Variants in GSE1 observed in about 807,000 individuals in gnomAD.
GSE1 encodes the protein Gse1 coiled-coil protein.
A neutral mutation model predicts 112.6 loss-of-function variants in GSE1; 32 were observed. The ratio of observed to expected loss-of-function variants is 0.28; its 90% CI spans 0.21 to 0.38. The LOEUF (loss-of-function observed/expected upper bound fraction) is 0.38. Among genes scored for constraint, GSE1 ranks in the 10% least tolerant of loss-of-function variants. The pLI, the probability that GSE1 is intolerant of heterozygous loss-of-function variation, is 1.00. For missense variants in GSE1, 2,348 were observed against 1,699.2 expected (o/e 1.38, Z -6.71); for synonymous variants, 1,115 against 735.6 (o/e 1.52, Z -8.35).
intron 2 of GSE1, among the ~76,000 whole-genome samples, chr16:85,526,851 C>T (rs1289619231): frequency 2.0e-5 from 3 of 152,204 alleles, no homozygotes; most frequent in Non-Finnish European, 4.4e-5. Context: ...ACCATTTGTT[C>T]CAGGGAGCTG....
chr16:85,640,396 A>G (rs1384794699), intron 2 of GSE1, among the ~76,000 whole-genome samples: 2 of 152,244 alleles, frequency 1.3e-5, no homozygotes, highest in Non-Finnish European at 2.9e-5. Context: ...CGGGGCCGAC[A>G]GGTGGTGGCA....
intron 2 of GSE1, among the ~76,000 whole-genome samples, chr16:85,539,953 C>G (rs2044464765): frequency 1.3e-5 from 2 of 152,208 alleles, no homozygotes; most frequent in South Asian, 4.1e-4. Context: ...TGCCGCTTCT[C>G]TTGTTATGAT....
At chr16:85,616,373 G>C (rs887993258) in intron 1 of GSE1, among the ~76,000 whole-genome samples, 2 of 152,234 alleles carry the variant, frequency 1.3e-5, no homozygotes, top group African/African-American at 2.4e-5. Flanking sequence ...CTGCCTCCAG[G>C]AGCTCGCAGG....
At chr16:85,658,406 A>G (rs2052153927) in intron 8 of GSE1, among the ~76,000 whole-genome samples, 1 of 152,188 alleles carries the variant, frequency 6.6e-6, no homozygotes, top group Non-Finnish European at 1.5e-5. Flanking sequence ...AACTGTCCAC[A>G]AAGGAGGGTG....
Position 85,672,630 on chromosome 16 carries a change from G to A in GSE1, c.*91G>A. ...TTTAATATTTTTCACTGGGAGGTTT[G>A]AAGCTTACAAAATGAGAATGTGCCA... On this transcript the variant is annotated 3_prime_UTR_variant, in exon 16 of 16. Transcript: ENST00000253458. 2.1e-6 allele frequency: 2 copies of A among 937,276 alleles called. No individual in the cohort carries two copies. The highest frequency in any genetic ancestry group is 2.7e-5 in the South Asian group (1 of 36,594). The allele number at this position is 937,276 out of a possible 1,614,324, so 58.1% of individuals were successfully genotyped here.
chr16:85,452,832 C>T (rs1427386097), intron 2 of GSE1, among the ~76,000 whole-genome samples: 1 of 152,230 alleles, frequency 6.6e-6, no homozygotes, highest in African/African-American at 2.4e-5. Flanking sequence ...TGTGAACAAA[C>T]AGGGATTGGG....
chr16:85,666,579 C>T (rs1237344505), intron 13 of GSE1: 2 of 571,984 alleles, frequency 3.5e-6, no homozygotes, highest in Non-Finnish European at 6.2e-6. Context: ...AGCGCTGACG[C>T]TGTGCTGTGA....
At chr16:85,317,801 C>T (rs1331877544) in intron 1 of GSE1, among the ~76,000 whole-genome samples, 1 of 152,210 alleles carries the variant, frequency 6.6e-6, no homozygotes, top group South Asian at 2.1e-4. Flanking sequence ...AAGTGTGGGA[C>T]CTGAGCTCTG....
intron 2 of GSE1, among the ~76,000 whole-genome samples, chr16:85,500,953 A>T (rs1180674577): frequency 6.9e-6 from 1 of 144,484 alleles, no homozygotes; most frequent in East Asian, 2.1e-4. Context: ...TAGAGACTCC[A>T]GTCTTGGGAT....
chr16:85,232,123 G>A lies in GSE1; in HGVS notation c.2283+60316G>A, dbSNP rs543360710. Among the ~76,000 whole-genome samples the A allele has an allele frequency of 1.1e-3, 160 of 152,328 alleles. 1 individual carries two copies. Among genetic ancestry groups the A allele is most frequent in the African/African-American group, 3.6e-3 (149 of 41,562 alleles). On this transcript the variant is annotated intron_variant, in intron 1 of 2. Coordinates refer to the GSE1 transcript ENST00000637419. The stretch of plus-strand genomic sequence containing the variant: ...CTGGCAGGCAGACCAGAAGCAAGGC[G>A]TTGGCCTTCGATACATCCCTTGGGA...
intron 1 of GSE1, among the ~76,000 whole-genome samples, chr16:85,199,676 T>C (rs1567606048): frequency 6.6e-6 from 1 of 152,166 alleles, no homozygotes; most frequent in East Asian, 1.9e-4. Context: ...CCTTTTTTTT[T>C]CTCTCTGAAG....
Position 85,672,630 on chromosome 16 carries a change from G to C in GSE1, c.*91G>C, listed in dbSNP as rs2053443393. The C allele has an allele frequency of 3.2e-6, 3 of 937,158 alleles. No homozygotes were observed. The South Asian group carries it at 8.2e-5, about 26-fold the overall frequency. The allele number at this position is 937,158 out of a possible 1,614,324, so 58.1% of individuals were successfully genotyped here. A position where few individuals can be genotyped will look rare whatever the true frequency, so the allele number is the denominator to read the frequency against. On this transcript the variant is annotated 3_prime_UTR_variant, in exon 16 of 16. Coordinates refer to ENST00000253458, the MANE Select transcript of GSE1 (RefSeq NM_014615.5). ...TTTAATATTTTTCACTGGGAGGTTT[G>C]AAGCTTACAAAATGAGAATGTGCCA... is the stretch of plus-strand genomic sequence containing the variant.
At chr16:85,625,302 C>T (rs1471127529) in intron 1 of GSE1, among the ~76,000 whole-genome samples, 1 of 152,224 alleles carries the variant, frequency 6.6e-6, no homozygotes. Context: ...GACTTCCCGT[C>T]CCTCGCCTCC....
chr16:85,465,273 C>T (rs538098061), intron 2 of GSE1, among the ~76,000 whole-genome samples: 12 of 152,330 alleles, frequency 7.9e-5, no homozygotes, highest in African/African-American at 2.9e-4. Context: ...TCCTGCCAAC[C>T]GAATCTCATG....
chr16:85,667,943 T>C (rs1406758364), intron 13 of GSE1, among the ~76,000 whole-genome samples, 197 bp from the exon 14 acceptor site: 2 of 130,814 alleles, frequency 1.5e-5, no homozygotes, highest in East Asian at 2.5e-4. Flanking sequence ...CTGCGTTGTC[T>C]CCTGGCTGTC....
intron 8 of GSE1, among the ~76,000 whole-genome samples, chr16:85,660,663 C>T (rs1450122850): frequency 6.6e-6 from 1 of 151,154 alleles, no homozygotes; most frequent in Non-Finnish European, 1.5e-5. Flanking sequence ...CGGAGTCTTG[C>T]TCTGTCGCCT....
rs55928497 is a variant in GSE1, at chr16:85,370,601, T to TTCCCTCCCTCCTTCTC, written c.2464+13002_2464+13017dup. Among the ~76,000 whole-genome samples, 200 of 145,348 alleles carry TTCCCTCCCTCCTTCTC rather than the reference T, an allele frequency of 1.4e-3. 2 individuals carry two copies. The East Asian group carries it at 0.018, about 13-fold the overall frequency. On this transcript the variant is annotated intron_variant, in intron 2 of 2. Coordinates refer to the GSE1 transcript ENST00000637419. ...TTCCTCCTTTCCCCTCCCTCTTCTC[T>TTCCCTCCCTCCTTCTC]TCCCTCCCTCCTTCTCTCCCTCCCT...
chr16:85,634,192 G>T (rs1033904347), intron 2 of GSE1, 60 bp downstream of exon 2: 3 of 1,188,364 alleles, frequency 2.5e-6, no homozygotes, highest in East Asian at 6.1e-5. Context: ...CCGGGACTCA[G>T]CCTCCCGCCT....
intron 2 of GSE1, among the ~76,000 whole-genome samples, chr16:85,403,445 G>C (rs1414226675): frequency 3.9e-5 from 6 of 152,078 alleles, no homozygotes; most frequent in Non-Finnish European, 8.8e-5. Context: ...TCTCTTGGTT[G>C]GTTAAGTTTG....
Sources: gnomAD v4.1 joint callset for allele counts (sites outside exome capture counted in the v4.1 genomes callset) on GRCh38, gnomAD v4.1.1 for gene constraint, MANE v1.5 for transcripts, NCBI Gene and HGNC (gene_info 2026-07-23, HGNC 2026-07-21) for gene names.